Variants in ATP1A2 observed in about 807,000 individuals in gnomAD.
ATP1A2 encodes the protein sodium/potassium-transporting ATPase subunit alpha-2.
ATP1A2 carries 56 observed loss-of-function variants against 113.1 expected under a neutral mutation model. The ratio of observed to expected loss-of-function variants is 0.49; its 90% CI spans 0.40 to 0.62. ATP1A2 has a LOEUF of 0.62. Among genes scored for constraint, ATP1A2 ranks in the 20% least tolerant of loss-of-function variants. The pLI is 0.00. For synonymous variants in ATP1A2, 490 were observed against 526.8 expected (o/e 0.93, Z 0.96); for missense variants, 712 against 1,357.8 (o/e 0.52, Z 7.47).
chr1:160,139,409 A>G (rs1371889396), intron 20 of ATP1A2, among the ~76,000 whole-genome samples: 1 of 152,256 alleles, frequency 6.6e-6, no homozygotes, highest in Non-Finnish European at 1.5e-5. Context: ...CAATTATTTA[A>G]TGAATGAATA....
rs553786757 is a variant in ATP1A2 at position 160,120,534 on chromosome 1, C to G, written c.13-372C>G. On this transcript the variant is annotated intron_variant, in intron 1 of 22. Transcript: ENST00000361216. ...AACCCCCCACAAAACCCTGTCCACT[C>G]CCTTCCAGAATTTTCCCAAATAGTG... 2.0e-5 allele frequency among the ~76,000 whole-genome samples: 3 copies of G among 152,318 alleles called. No individual in the cohort carries two copies. In the East Asian group the frequency reaches 5.8e-4, roughly 29 times the overall value.
intron 3 of ATP1A2, among the ~76,000 whole-genome samples, chr1:160,121,961 A>T (rs1226575521): frequency 6.6e-6 from 1 of 152,190 alleles, no homozygotes; most frequent in Non-Finnish European, 1.5e-5. Flanking sequence ...GCAAAACCCC[A>T]TCTCCACTAA....
At position 160,129,262 on chromosome 1, in the gene ATP1A2, GC is replaced by G; in HGVS notation, c.1327-3del. 6.2e-7 allele frequency: 1 copy of G among 1,614,092 alleles called. No homozygotes were observed. Among genetic ancestry groups the G allele is most frequent in the Non-Finnish European group, 8.5e-7 (1 of 1,180,014 alleles). ...TGACACTGAATTCTTGTCTCTTCTG[GC>G]AGCGGGACACAGCTGGTGATGCCTC... On this transcript the variant is annotated splice_polypyrimidine_tract_variant and splice_region_variant and intron_variant, in intron 10 of 22. Transcript: ENST00000361216.
rs765006961 is a variant in ATP1A2 at position 160,135,169 on chromosome 1, C to T, written c.1989C>T (p.His663=). The T allele has an allele frequency of 1.7e-5, 28 of 1,614,170 alleles. No homozygotes were observed. Among genetic ancestry groups the T allele is most frequent in the South Asian group, 8.8e-5 (8 of 91,082 alleles). Residue 663 remains histidine, a synonymous_variant, in exon 15 of 23, where the codon CAC becomes CAT. Transcript: ENST00000361216. This position sits in a 1 kb window ranked among gnomAD's most constrained non-coding sequence, Gnocchi z 6.3. ...GAGAAGCCAAGGCATGCGTGGTGCA[C>T]GGCTCTGACCTGAAGGACATGACAT... ...NPREAKACVV[H]GSDLKDMTSE... is the part of the protein sequence containing the mutation.
intron 6 of ATP1A2, among the ~76,000 whole-genome samples, 196 bp downstream of exon 6, chr1:160,124,626 C>G (rs912614306): frequency 1.3e-5 from 2 of 152,210 alleles, no homozygotes. Context: ...TATGAATGCT[C>G]TATGCCCCAG....
At chr1:160,121,641 C>T (rs1485610025) in intron 3 of ATP1A2, among the ~76,000 whole-genome samples, 1 of 152,212 alleles carries the variant, frequency 6.6e-6, no homozygotes, top group African/African-American at 2.4e-5. Context: ...TGGGCCCCTG[C>T]TACATATGTG....
Position 160,141,154 on chromosome 1 carries a change from C to T in ATP1A2, c.3035-140C>T, listed in dbSNP as rs367560006. The T allele has an allele frequency of 1.3e-4, 134 of 1,010,690 alleles. No homozygotes were observed. The South Asian group carries it at 1.7e-3, about 13-fold the overall frequency. The allele number at this position is 1,010,690 out of a possible 1,614,324, so 62.6% of individuals were successfully genotyped here. A position where few individuals can be genotyped will look rare whatever the true frequency, so the allele number is the denominator to read the frequency against. On this transcript the variant is annotated intron_variant, in intron 22 of 22. Coordinates refer to ENST00000361216, the MANE Select transcript of ATP1A2 (RefSeq NM_000702.4). ...AGCCACTGCACCCAGCCTCCTTCCA[C>T]CTTCCTAAGCCACTTCCCCCAGTGC... is the stretch of plus-strand genomic sequence containing the variant.
At chr1:160,138,829 C>CA (rs66566094) in intron 20 of ATP1A2, among the ~76,000 whole-genome samples, 41,686 of 149,498 alleles carry the variant, frequency 0.28, 7,010 homozygotes, top group Non-Finnish European at 0.37. Flanking sequence ...GACTCTGTCT[C>CA]AGAAAAAAAA....
At chr1:160,121,648 T>C (rs955558044) in intron 3 of ATP1A2, among the ~76,000 whole-genome samples, 2 of 152,248 alleles carry the variant, frequency 1.3e-5, no homozygotes, top group African/African-American at 4.8e-5. Context: ...CTGCTACATA[T>C]GTGACATTGT....
chr1:160,119,285 C>CAAAAAAAAAAAAAAAAAAAAAAAAAA (rs1251613969), intron 1 of ATP1A2, among the ~76,000 whole-genome samples: 1 of 49,316 alleles, frequency 2.0e-5, no homozygotes. Context: ...AAAAAAAAAG[C>CAAAAAAAAAAAAAAAAAAAAAAAAAA]AAACACCTTG....
At chr1:160,130,822 C>G (rs1257629199) in intron 13 of ATP1A2, among the ~76,000 whole-genome samples, 2 of 152,216 alleles carry the variant, frequency 1.3e-5, no homozygotes, top group Non-Finnish European at 2.9e-5. Flanking sequence ...TCCTCTCCCT[C>G]CCTGGCACAG....
At chr1:160,128,335 C>A in intron 8 of ATP1A2, 1 of 609,066 alleles carries the variant, frequency 1.6e-6, no homozygotes, top group Non-Finnish European at 2.9e-6. Context: ...ACACCCTGAG[C>A]AAGAGCCAAT....
At chr1:160,131,397 A>G (rs1034663804) in intron 13 of ATP1A2, among the ~76,000 whole-genome samples, 1 of 152,250 alleles carries the variant, frequency 6.6e-6, no homozygotes, top group Non-Finnish European at 1.5e-5. Context: ...TGTAAGTCAT[A>G]GAGCAGGTAC....
intron 13 of ATP1A2, among the ~76,000 whole-genome samples, chr1:160,133,257 A>T (rs1651823908): frequency 6.6e-6 from 1 of 152,114 alleles, no homozygotes. Context: ...CAGAGGGGTC[A>T]AGTAGGATGA....
intron 18 of ATP1A2, 60 bp downstream of exon 18, chr1:160,136,430 G>C: frequency 6.2e-7 from 1 of 1,612,598 alleles, no homozygotes; most frequent in Non-Finnish European, 8.5e-7. Context: ...CCAGCTTTCA[G>C]AGGAATGAGC....
chr1:160,135,991 A>T lies in ATP1A2; in HGVS notation c.2437A>T (p.Met813Leu), dbSNP rs781256853. ...TILCIDLGTD[M>L]VPAISLAYEA... ...CCTTTGCATTGACCTGGGCACAGATATGGTGAGCGCAGGAGGTGGAGGAGG... is the reference window on the plus strand; with the variant it reads ...CCTTTGCATTGACCTGGGCACAGATTTGGTGAGCGCAGGAGGTGGAGGAGG... The change falls in exon 17 of 23, where the codon ATG (methionine) becomes TTG (leucine). Residue 813 changes from methionine (M) to leucine (L), a missense_variant and splice_region_variant. By Grantham distance (15) the Met-to-Leu change is conservative. Around this residue, in one of 6 missense-constraint regions of ATP1A2, gnomAD observed 188 missense variants for 438.9 expected, o/e 0.43. Transcript: ENST00000361216. This position sits in a 1 kb window ranked among gnomAD's most constrained non-coding sequence, Gnocchi z 6.3. 1 of 1,613,968 alleles carries T rather than the reference A, an allele frequency of 6.2e-7. No homozygotes were observed. Among genetic ancestry groups the T allele is most frequent in the South Asian group, 1.1e-5 (1 of 91,066 alleles).
chr1:160,121,921 C>T (rs955515711), intron 3 of ATP1A2, among the ~76,000 whole-genome samples: 4 of 152,168 alleles, frequency 2.6e-5, no homozygotes, highest in African/African-American at 9.7e-5. Context: ...CACTTAAGGT[C>T]AGCGGTTTGA....
At chr1:160,131,177 A>G (rs1251295481) in intron 13 of ATP1A2, among the ~76,000 whole-genome samples, 1 of 152,218 alleles carries the variant, frequency 6.6e-6, no homozygotes, top group African/African-American at 2.4e-5. Flanking sequence ...CCTGATACAT[A>G]GTAAACAATT....
Position 160,135,901 on chromosome 1 carries a change from G to A in ATP1A2, c.2347G>A (p.Glu783Lys). ...IAYTLTSNIPEITPFLLFIIA... is the reference protein window; with the variant it reads ...IAYTLTSNIPKITPFLLFIIA... ...CTACACCCTGACCAGCAACATCCCCGAGATCACCCCCTTCCTGCTGTTCAT... is the reference window on the plus strand; with the variant it reads ...CTACACCCTGACCAGCAACATCCCCAAGATCACCCCCTTCCTGCTGTTCAT... The change falls in exon 17 of 23, where the codon GAG (glutamate) becomes AAG (lysine). Residue 783 changes from glutamate to lysine, a missense_variant. Physicochemically the swap from Glu to Lys is moderately conservative, Grantham distance 56. Coordinates refer to ENST00000361216, the MANE Select transcript of ATP1A2 (RefSeq NM_000702.4). This position sits in a 1 kb window ranked among gnomAD's most constrained non-coding sequence, Gnocchi z 6.3. 1.2e-6 allele frequency: 2 copies of A among 1,614,056 alleles called. No homozygotes were observed. The highest frequency in any genetic ancestry group is 1.7e-6 in the Non-Finnish European group (2 of 1,180,012).
Sources: allele counts gnomAD v4.1 joint callset (sites outside exome capture counted in the v4.1 genomes callset), GRCh38; gene constraint gnomAD v4.1.1; regional missense constraint gnomAD v4.1.1; non-coding constraint Gnocchi (gnomAD v3.1); transcripts MANE v1.5; gene names NCBI Gene and HGNC (gene_info 2026-07-23, HGNC 2026-07-21).